Variants in BRAF observed in about 807,000 individuals in gnomAD.
BRAF encodes serine/threonine-protein kinase B-raf.
In BRAF, 16 loss-of-function variants were observed where a neutral mutation model predicts 104.6. The ratio of observed to expected loss-of-function variants is 0.15; its 90% confidence interval spans 0.10 to 0.23. BRAF has a LOEUF of 0.23. Among genes scored for constraint, BRAF ranks in the 10% least tolerant of loss-of-function variants. BRAF has a pLI of 1.00. For synonymous variants in BRAF, 310 were observed against 341.6 expected (o/e 0.91, Z 1.02); for missense variants, 541 against 937.3 (o/e 0.58, Z 5.52).
In BRAF at chr7:140,814,747, A is replaced by AATATATAACATATATATATT. The variant is rs1252089625; in HGVS notation, c.505-5753_505-5752insAATATATATATGTTATATAT. 1.7e-3 allele frequency among the ~76,000 whole-genome samples: 208 copies of AATATATAACATATATATATT among 124,162 alleles called. 4 individuals are homozygous for AATATATAACATATATATATT. The highest frequency in any genetic ancestry group is 7.8e-3 in the African/African-American group (160 of 20,532). 81.5% of individuals were successfully genotyped at this position (124,162 alleles called of 152,430 possible). A position where few individuals can be genotyped will look rare whatever the true frequency, so the allele number is the denominator to read the frequency against. On this transcript the variant is annotated intron_variant, in intron 3 of 19. Transcript: ENST00000644969. ...TTTATATATAACATAATTTATATAC[A>AATATATAACATATATATATT]ATATATAACATATATATTATATATA...
chr7:140,819,691 T>C (rs1421777235), intron 3 of BRAF, among the ~76,000 whole-genome samples: 1 of 152,196 alleles, frequency 6.6e-6, no homozygotes, highest in Non-Finnish European at 1.5e-5. Context: ...ACAATGTGGA[T>C]GGACTTTGAA....
At chr7:140,923,917 C>T (rs748343583) in intron 1 of BRAF, among the ~76,000 whole-genome samples, 3 of 152,126 alleles carry the variant, frequency 2.0e-5, no homozygotes, top group Non-Finnish European at 4.4e-5. Context: ...AGAGCGCTGA[C>T]AAACATTAGG....
rs148972390 is a variant in BRAF, at chr7:140,721,872, C to T, written c.*4622G>A. Reference sequence around the variant, plus strand: ...CAGCGCTTTGGGACAGGATGACTAACGCAGTCCAGCTTCATGTGCAATCAA... The same window carrying T: ...CAGCGCTTTGGGACAGGATGACTAATGCAGTCCAGCTTCATGTGCAATCAA... On this transcript the variant is annotated 3_prime_UTR_variant, in exon 20 of 20. Transcript: ENST00000644969. 5,128 of 1,288,514 alleles carry T rather than the reference C, an allele frequency of 4.0e-3. 19 individuals carry two copies. The highest frequency in any genetic ancestry group is 0.03 in the Middle Eastern group (106 of 3,480). 79.8% of individuals were successfully genotyped at this position (1,288,514 alleles called of 1,614,324 possible).
At chr7:140,773,614 T>C (rs889436054) in intron 14 of BRAF, among the ~76,000 whole-genome samples, 4 of 152,192 alleles carry the variant, frequency 2.6e-5, no homozygotes, top group African/African-American at 4.8e-5. Context: ...AAACTTCCAG[T>C]CTACTGCTAG....
chr7:140,748,857 T>C (rs1797560345), intron 17 of BRAF: 1 of 158,002 alleles, frequency 6.3e-6, no homozygotes. Flanking sequence ...ATTTACCTAG[T>C]TTTAAAAATT....
chr7:140,817,267 T>A (rs1804978779), intron 3 of BRAF, among the ~76,000 whole-genome samples: 1 of 151,986 alleles, frequency 6.6e-6, no homozygotes, highest in Non-Finnish European at 1.5e-5. Context: ...ATTTCTACAA[T>A]GAAAACTATA....
chr7:140,854,423 A>C (rs1455279839), intron 1 of BRAF, among the ~76,000 whole-genome samples: 2 of 152,190 alleles, frequency 1.3e-5, no homozygotes, highest in African/African-American at 4.8e-5. Context: ...TAGGAAAGAA[A>C]ACAGGTCATC....
intron 7 of BRAF, among the ~76,000 whole-genome samples, chr7:140,796,481 G>A (rs1802508974): frequency 6.6e-6 from 1 of 152,138 alleles, no homozygotes; most frequent in Admixed American, 6.5e-5. Context: ...ACCAAGTTAG[G>A]AATATGACAG....
At position 140,736,044 on chromosome 7, in the gene BRAF, C is replaced by T. The variant is rs1052647021; in HGVS notation, c.2248-1274G>A. ...AAATCCTGCTCTCCAGGGATAACCA[C>T]TGTTAGAGTCTATACTTTCTTCTGT... On this transcript the variant is annotated intron_variant, in intron 18 of 19. Transcript: ENST00000644969. Among the ~76,000 whole-genome samples the T allele has an allele frequency of 4.8e-4, 72 of 150,944 alleles. 1 individual carries two copies. Among genetic ancestry groups the T allele is most frequent in the Admixed American group, 4.7e-3 (71 of 15,160 alleles).
chr7:140,786,857 A>G (rs1801411220), intron 9 of BRAF, among the ~76,000 whole-genome samples: 1 of 152,206 alleles, frequency 6.6e-6, no homozygotes, highest in Non-Finnish European at 1.5e-5. Flanking sequence ...AGCTTTCAAG[A>G]TGGTTAGAAA....
intron 1 of BRAF, among the ~76,000 whole-genome samples, chr7:140,896,304 T>A (rs770482328): frequency 5.3e-5 from 8 of 152,072 alleles, no homozygotes; most frequent in Non-Finnish European, 1.2e-4. Flanking sequence ...TATATGAATA[T>A]CCAGTAAAAA....
At chr7:140,834,586 T>G (rs375696527) in intron 3 of BRAF, 23 bp downstream of exon 3, 1 of 1,613,552 alleles carries the variant, frequency 6.2e-7, no homozygotes, top group South Asian at 1.1e-5. Context: ...AACAGCAAAA[T>G]GGTGATATTA....
At chr7:140,908,694 AGT>A (rs1163865337) in intron 1 of BRAF, among the ~76,000 whole-genome samples, 1 of 152,146 alleles carries the variant, frequency 6.6e-6, no homozygotes, top group East Asian at 1.9e-4. Context: ...TGGATATGGG[AGT>A]GTGTAGACAG....
chr7:140,736,789 C>G (rs1796482166), intron 18 of BRAF, among the ~76,000 whole-genome samples: 1 of 152,032 alleles, frequency 6.6e-6, no homozygotes, highest in South Asian at 2.1e-4. Context: ...GTAATCCCAG[C>G]ACTTTGGGAG....
At position 140,724,832 on chromosome 7, in the gene BRAF, TA is replaced by T; in HGVS notation, c.*1661del. The T allele has an allele frequency of 9.6e-7, 1 of 1,038,258 alleles. No individual in the cohort carries two copies. Among genetic ancestry groups the T allele is most frequent in the Non-Finnish European group, 1.2e-6 (1 of 862,192 alleles). The allele number at this position is 1,038,258 out of a possible 1,614,324, so 64.3% of individuals were successfully genotyped here. A position where few individuals can be genotyped will look rare whatever the true frequency, so the allele number is the denominator to read the frequency against. ...CTAAATTCTGAGTCTAGATTCCTGA[TA>T]AGGGAGGTTTTCCATTAATTTGCCA... On this transcript the variant is annotated 3_prime_UTR_variant, in exon 20 of 20. Transcript: ENST00000644969.
intron 14 of BRAF, among the ~76,000 whole-genome samples, chr7:140,773,948 G>C (rs1468858103): frequency 6.6e-6 from 1 of 152,090 alleles, no homozygotes; most frequent in African/African-American, 2.4e-5. Context: ...CTTTATTACA[G>C]TTTTAGTGGA....
intron 1 of BRAF, among the ~76,000 whole-genome samples, chr7:140,885,655 T>C (rs1240621151): frequency 6.6e-6 from 1 of 152,210 alleles, no homozygotes; most frequent in African/African-American, 2.4e-5. Context: ...TGTATGTGGA[T>C]ATATCCATAA....
chr7:140,738,463 G>C (rs1796624672), intron 18 of BRAF, among the ~76,000 whole-genome samples: 2 of 152,284 alleles, frequency 1.3e-5, no homozygotes, highest in Admixed American at 6.5e-5. Flanking sequence ...GGGTTACTAT[G>C]GGAAATAGCA....
chr7:140,915,432 C>CTTT (rs1014572413), intron 1 of BRAF, among the ~76,000 whole-genome samples: 22 of 141,716 alleles, frequency 1.6e-4, no homozygotes, highest in African/African-American at 5.7e-4. Context: ...ATTAAAGTAT[C>CTTT]TTTTTTTTTT....
Sources: allele counts gnomAD v4.1 joint callset (sites outside exome capture counted in the v4.1 genomes callset), GRCh38; gene constraint gnomAD v4.1.1; transcripts MANE v1.5; gene names NCBI Gene and HGNC (gene_info 2026-07-23, HGNC 2026-07-21).